Variants in GNAQ observed in about 807,000 individuals in gnomAD.
The protein encoded by GNAQ is guanine nucleotide-binding protein G(q) subunit alpha.
A neutral mutation model predicts 43.9 loss-of-function variants in GNAQ; 8 were observed. The observed-to-expected ratio is 0.18, with a 90% CI of 0.11 to 0.33. The LOEUF (loss-of-function observed/expected upper bound fraction) is 0.33. Ranked by LOEUF, GNAQ falls within the 10% of genes least tolerant of loss-of-function variation. GNAQ has a pLI of 1.00. For missense variants in GNAQ, 158 were observed against 450.8 expected, an observed-to-expected ratio of 0.35 and a Z score of 5.88; for synonymous variants, 155 against 170.7, an observed-to-expected ratio of 0.91 and a Z score of 0.71.
chr9:78,011,155 G>C (rs971669057), intron 1 of GNAQ, among the ~76,000 whole-genome samples: 1 of 152,168 alleles, frequency 6.6e-6, no homozygotes, highest in Non-Finnish European at 1.5e-5. Context: ...AGGACAAACA[G>C]AATCAGTTGT....
At chr9:77,850,107 A>G (rs1025100677) in intron 2 of GNAQ, among the ~76,000 whole-genome samples, 3 of 152,368 alleles carry the variant, frequency 2.0e-5, no homozygotes, top group Non-Finnish European at 4.4e-5. Context: ...TGTCGGCTAC[A>G]CACTTCACCT....
At chr9:77,935,228 T>C (rs1346127422) in intron 1 of GNAQ, among the ~76,000 whole-genome samples, 1 of 152,212 alleles carries the variant, frequency 6.6e-6, no homozygotes, top group East Asian at 1.9e-4. Flanking sequence ...AACCTCTGCA[T>C]TGTTCACATT....
chr9:77,732,486 C>G (rs1014497941), intron 5 of GNAQ, among the ~76,000 whole-genome samples: 3 of 152,184 alleles, frequency 2.0e-5, no homozygotes, highest in African/African-American at 7.2e-5. Flanking sequence ...CTGCCTCAGC[C>G]TCCCTAGTGG....
chr9:77,787,131 C>T lies in GNAQ; in HGVS notation c.735+7332G>A, dbSNP rs565860558. On this transcript the variant is annotated intron_variant, in intron 5 of 6. Transcript: ENST00000286548. ...AAAGTTTAAAATAACATACTGTCTACGCAAGGTTAAAAAAATACACTACTT... is the reference window on the plus strand; with the variant it reads ...AAAGTTTAAAATAACATACTGTCTATGCAAGGTTAAAAAAATACACTACTT... Among the ~76,000 whole-genome samples the T allele has an allele frequency of 1.1e-4, 17 of 152,138 alleles. No homozygotes were observed. In the South Asian group the frequency reaches 1.7e-3, roughly 15 times the overall value.
At chr9:77,852,172 C>A (rs986146636) in intron 2 of GNAQ, among the ~76,000 whole-genome samples, 1 of 152,172 alleles carries the variant, frequency 6.6e-6, no homozygotes, top group Non-Finnish European at 1.5e-5. Flanking sequence ...GTCGGTTAGG[C>A]AAGGCTCATG....
chr9:77,944,997 G>A (rs1012228189), intron 1 of GNAQ, among the ~76,000 whole-genome samples: 3 of 152,192 alleles, frequency 2.0e-5, no homozygotes, highest in Admixed American at 6.5e-5. Context: ...CAAGGCGGCT[G>A]GGGAAGCACA....
chr9:78,026,703 C>T (rs1055230703), intron 1 of GNAQ, among the ~76,000 whole-genome samples: 12 of 152,256 alleles, frequency 7.9e-5, no homozygotes, highest in Admixed American at 7.8e-4. Flanking sequence ...CAGTGGGAAG[C>T]GTGCTCTTTT....
chr9:77,781,508 A>T (rs939023738), intron 5 of GNAQ, among the ~76,000 whole-genome samples: 4 of 152,130 alleles, frequency 2.6e-5, no homozygotes, highest in African/African-American at 9.7e-5. Flanking sequence ...ATACCTCCTA[A>T]CTCATTATGA....
intron 5 of GNAQ, among the ~76,000 whole-genome samples, chr9:77,775,773 T>A (rs1826298436): frequency 6.6e-6 from 1 of 152,052 alleles, no homozygotes; most frequent in Admixed American, 6.6e-5. Flanking sequence ...GTTTCCGTAA[T>A]TATGGCATGC....
intron 1 of GNAQ, among the ~76,000 whole-genome samples, 181 bp downstream of exon 1, chr9:78,030,919 G>C (rs935355299): frequency 6.8e-6 from 1 of 146,320 alleles, no homozygotes; most frequent in African/African-American, 2.5e-5. Context: ...GTGTGTGTGT[G>C]TCTGTGTGTA....
chr9:77,751,197 C>T (rs1390270297), intron 5 of GNAQ, among the ~76,000 whole-genome samples: 1 of 152,220 alleles, frequency 6.6e-6, no homozygotes, highest in Non-Finnish European at 1.5e-5. Context: ...AATGGCCTGC[C>T]TTTTCCCTCA....
intron 2 of GNAQ, among the ~76,000 whole-genome samples, chr9:77,918,730 C>T (rs1232540730): frequency 6.6e-6 from 1 of 152,150 alleles, no homozygotes; most frequent in Non-Finnish European, 1.5e-5. Context: ...TGTGCCCCTC[C>T]CTCAGATCTG....
At chr9:77,758,413 A>G (rs1199555494) in intron 5 of GNAQ, among the ~76,000 whole-genome samples, 1 of 152,212 alleles carries the variant, frequency 6.6e-6, no homozygotes, top group Non-Finnish European at 1.5e-5. Flanking sequence ...AATAAGAAAA[A>G]CTAGATGTAT....
Position 78,017,258 on chromosome 9 carries a change from C to T in GNAQ, c.136+13842G>A, listed in dbSNP as rs562729454. Among the ~76,000 whole-genome samples, 4 of 152,262 alleles carry T rather than the reference C, an allele frequency of 2.6e-5. No homozygotes were observed. In the South Asian group the frequency reaches 8.3e-4, roughly 32 times the overall value. On this transcript the variant is annotated intron_variant, in intron 1 of 6. Coordinates refer to ENST00000286548, the MANE Select transcript of GNAQ (RefSeq NM_002072.5). Reference sequence around the variant, plus strand: ...TGTCTGATTTCAAGCTACCAAAGTTCGGTCACTAAATGTAAAGTTGAGACA... The same window carrying T: ...TGTCTGATTTCAAGCTACCAAAGTTTGGTCACTAAATGTAAAGTTGAGACA...
chr9:77,885,991 T>C (rs1228821530), intron 2 of GNAQ, among the ~76,000 whole-genome samples: 1 of 63,604 alleles, frequency 1.6e-5, no homozygotes, highest in African/African-American at 7.3e-5. Flanking sequence ...GGACCTTTTT[T>C]TTGAGACAAG....
intron 1 of GNAQ, among the ~76,000 whole-genome samples, chr9:78,001,224 C>T (rs966553157): frequency 6.6e-6 from 1 of 151,884 alleles, no homozygotes; most frequent in African/African-American, 2.4e-5. Context: ...ATGATGAAAC[C>T]CCATCTCTAC....
chr9:77,894,824 T>C (rs1468122920), intron 2 of GNAQ, among the ~76,000 whole-genome samples: 3 of 151,916 alleles, frequency 2.0e-5, no homozygotes, highest in African/African-American at 7.2e-5. Flanking sequence ...TGTTTATTTA[T>C]ATAATAAACT....
chr9:77,908,121 G>A (rs991545128), intron 2 of GNAQ, among the ~76,000 whole-genome samples: 3 of 152,176 alleles, frequency 2.0e-5, no homozygotes, highest in African/African-American at 7.2e-5. Flanking sequence ...AGGCCCAGAA[G>A]TGGTTGGCTA....
In GNAQ at chr9:78,011,775, A is replaced by C. The variant is rs571821775; in HGVS notation, c.136+19325T>G. ...TTTGGGCAAACCACACAAATAATGGAGAGATACAGCAATTAGAGGGAAGCT... is the reference window on the plus strand; with the variant it reads ...TTTGGGCAAACCACACAAATAATGGCGAGATACAGCAATTAGAGGGAAGCT... On this transcript the variant is annotated intron_variant, in intron 1 of 6. Transcript: ENST00000286548. Among the ~76,000 whole-genome samples the C allele has an allele frequency of 3.0e-4, 45 of 152,332 alleles. No individual in the cohort carries two copies. In the South Asian group the frequency reaches 5.0e-3, roughly 17 times the overall value.
Sources: gnomAD v4.1 joint callset for allele counts (sites outside exome capture counted in the v4.1 genomes callset) on GRCh38, gnomAD v4.1.1 for gene constraint, MANE v1.5 for transcripts, NCBI Gene and HGNC (gene_info 2026-07-23, HGNC 2026-07-21) for gene names.